The following EPM2A variants were observed in gnomAD, a reference collection of about 807,000 sequenced individuals.
EPM2A encodes the protein EPM2A glucan phosphatase, laforin, also known as laforin.
Under a neutral mutation model 26.5 loss-of-function variants are expected in EPM2A, and 21 were observed. That is an observed-to-expected ratio of 0.79 (90% CI 0.56 to 1.14). The LOEUF (loss-of-function observed/expected upper bound fraction) is 1.14. Among genes scored for constraint, EPM2A ranks in the 50% most tolerant of loss-of-function variants. The pLI is 0.00. For missense variants in EPM2A, 458 were observed against 440.8 expected, an observed-to-expected ratio of 1.04 and a Z score of -0.35; for synonymous variants, 217 against 177.6, an observed-to-expected ratio of 1.22 and a Z score of -1.76.
intron 2 of EPM2A, among the ~76,000 whole-genome samples, chr6:145,527,663 T>G (rs1780295398): frequency 6.6e-6 from 1 of 152,118 alleles, no homozygotes; most frequent in Non-Finnish European, 1.5e-5. Context: ...CCTATGGGTG[T>G]CATTACTTAT....
At chr6:145,455,817 A>C (rs1216031867) in intron 4 of EPM2A, among the ~76,000 whole-genome samples, 1 of 152,194 alleles carries the variant, frequency 6.6e-6, no homozygotes, top group Non-Finnish European at 1.5e-5. Flanking sequence ...ATAGGCTTTT[A>C]CAAGTTTTCT....
At chr6:145,616,911 G>A (rs560746801) in intron 2 of EPM2A, among the ~76,000 whole-genome samples, 3 of 152,322 alleles carry the variant, frequency 2.0e-5, no homozygotes, top group Admixed American at 6.5e-5. Flanking sequence ...CAGGCTCATA[G>A]GTGGAAGGAA....
intron 1 of EPM2A, among the ~76,000 whole-genome samples, chr6:145,717,587 T>C (rs980408722): frequency 6.6e-6 from 1 of 152,306 alleles, no homozygotes; most frequent in South Asian, 2.1e-4. Context: ...TCACCGCTCC[T>C]ATTCAACATA....
chr6:145,556,840 T>C (rs1582850506), intron 2 of EPM2A, among the ~76,000 whole-genome samples: 2 of 152,248 alleles, frequency 1.3e-5, no homozygotes, highest in East Asian at 3.9e-4. Flanking sequence ...ATATTTTAAG[T>C]ATTTACAATA....
rs781726269 is a variant in EPM2A at position 145,627,607 on chromosome 6, C to T, written c.805G>A (p.Gly269Arg). Residue 269 changes from glycine (G) to arginine (R), a missense_variant, in exon 4 of 4, where the codon GGG becomes AGG. Transcript: ENST00000367519. ...GHIVYVHCNA[G>R]VGRSTAAVCG... ...ACAGCCGCGGTGGAGCGGCCCACCCCAGCGTTGCAGTGCACGTACACGATG... is the reference window on the plus strand; with the variant it reads ...ACAGCCGCGGTGGAGCGGCCCACCCTAGCGTTGCAGTGCACGTACACGATG... 6.2e-7 allele frequency: 1 copy of T among 1,614,122 alleles called. No homozygotes were observed. Among genetic ancestry groups the T allele is most frequent in the African/African-American group, 1.3e-5 (1 of 74,946 alleles).
chr6:145,651,001 T>C (rs183278020), intron 2 of EPM2A, among the ~76,000 whole-genome samples: 100 of 152,342 alleles, frequency 6.6e-4, no homozygotes, highest in South Asian at 2.5e-3. Context: ...CAGTAAAGAA[T>C]CTGCCGCATC....
At chr6:145,616,849 C>A (rs1775524049) in intron 2 of EPM2A, among the ~76,000 whole-genome samples, 1 of 152,192 alleles carries the variant, frequency 6.6e-6, no homozygotes, top group Non-Finnish European at 1.5e-5. Flanking sequence ...ATTGTATTTA[C>A]CCAATGCCTG....
intron 2 of EPM2A, among the ~76,000 whole-genome samples, chr6:145,568,892 G>T (rs1780919529): frequency 6.6e-6 from 1 of 152,188 alleles, no homozygotes; most frequent in Non-Finnish European, 1.5e-5. Context: ...TGGAATAATT[G>T]CTTCCCTGTA....
intron 2 of EPM2A, among the ~76,000 whole-genome samples, chr6:145,668,155 A>G (rs1346070868): frequency 3.2e-5 from 4 of 124,840 alleles, no homozygotes; most frequent in Non-Finnish European, 7.5e-5. Flanking sequence ...CCTAAAACTT[A>G]AAGTATAATA....
intron 2 of EPM2A, chr6:145,637,692 G>A (rs1477352024): frequency 6.6e-6 from 1 of 152,220 alleles, no homozygotes; most frequent in Non-Finnish European, 1.5e-5. Context: ...AGTGTACTGA[G>A]AGAAAGACCT....
chr6:145,407,466 G>A (rs965009683), intron 4 of EPM2A, among the ~76,000 whole-genome samples: 65 of 151,936 alleles, frequency 4.3e-4, no homozygotes, highest in African/African-American at 1.5e-3. Flanking sequence ...CATAATGAGA[G>A]CAAATCAAAA....
intron 2 of EPM2A, among the ~76,000 whole-genome samples, chr6:145,537,247 A>G (rs1780444274): frequency 6.6e-6 from 1 of 152,156 alleles, no homozygotes; most frequent in Non-Finnish European, 1.5e-5. Flanking sequence ...ATAGGTTGCT[A>G]CAAGTTGTGG....
rs1305902387 is a variant in EPM2A at position 145,625,847 on chromosome 6, T to G, written c.*1569A>C. On this transcript the variant is annotated 3_prime_UTR_variant, in exon 4 of 4. Transcript: ENST00000367519. The stretch of plus-strand genomic sequence containing the variant: ...CCACGCCTTCTAAATAAGAGTCTCT[T>G]GCATCTATCAATATGTGTTTGTGGA... 1 of 1,541,718 alleles carries G rather than the reference T, an allele frequency of 6.5e-7. No homozygotes were observed. Among genetic ancestry groups the G allele is most frequent in the African/African-American group, 1.4e-5 (1 of 72,910 alleles).
chr6:145,565,350 G>A (rs1780870941), intron 2 of EPM2A, among the ~76,000 whole-genome samples: 1 of 152,194 alleles, frequency 6.6e-6, no homozygotes, highest in African/African-American at 2.4e-5. Flanking sequence ...AGAGGTTACA[G>A]CAGGGTACCC....
intron 2 of EPM2A, among the ~76,000 whole-genome samples, chr6:145,573,667 T>C (rs1730836658): frequency 6.6e-6 from 1 of 152,210 alleles, no homozygotes; most frequent in Non-Finnish European, 1.5e-5. Flanking sequence ...TGTAATGGTT[T>C]CCATTTGGCC....
rs1217159204 is a variant in EPM2A, at chr6:145,405,349, T to C, written c.556-21252A>G. On this transcript the variant is annotated intron_variant, in intron 4 of 4. Coordinates refer to the EPM2A transcript ENST00000638717. ...CTTCTTCCTGAACTGAATGTCTGCG[T>C]GTCTGCTGTGGCTGCCGGTTACGTC... 5.9e-5 allele frequency among the ~76,000 whole-genome samples: 9 copies of C among 152,158 alleles called. No individual in the cohort carries two copies. In the East Asian group the frequency reaches 1.7e-3, roughly 29 times the overall value.
At chr6:145,513,956 T>C (rs1007099616) in intron 2 of EPM2A, among the ~76,000 whole-genome samples, 7 of 152,200 alleles carry the variant, frequency 4.6e-5, no homozygotes, top group Non-Finnish European at 1.0e-4. Context: ...GCTCTGTTTC[T>C]ATCTATTGAC....
chr6:145,676,298 G>C (rs1413122281), intron 2 of EPM2A, among the ~76,000 whole-genome samples: 1 of 152,146 alleles, frequency 6.6e-6, no homozygotes, highest in East Asian at 1.9e-4. Context: ...GAAATTTATA[G>C]CACTAAATGC....
intron 4 of EPM2A, among the ~76,000 whole-genome samples, chr6:145,404,446 A>G (rs1778539399): frequency 1.6e-5 from 2 of 128,796 alleles, no homozygotes; most frequent in Non-Finnish European, 3.6e-5. Flanking sequence ...GCGTTTGTCT[A>G]AAGCTTTTTT....
Sources: gnomAD v4.1 joint callset for allele counts (sites outside exome capture counted in the v4.1 genomes callset) on GRCh38, gnomAD v4.1.1 for gene constraint, MANE v1.5 for transcripts, NCBI Gene and HGNC (gene_info 2026-07-23, HGNC 2026-07-21) for gene names.